KANSL1: variants seen among roughly 807,000 people sequenced by gnomAD.
KANSL1 encodes the protein MLL1/MLL complex subunit KANSL1.
Under a neutral mutation model 103.6 loss-of-function variants are expected in KANSL1, and 22 were observed. The ratio of observed to expected loss-of-function variants is 0.21; its 90% CI spans 0.15 to 0.30. The LOEUF (loss-of-function observed/expected upper bound fraction) is 0.30, where lower values mean the gene tolerates loss of function less well. Among genes scored for constraint, KANSL1 ranks in the 10% least tolerant of loss-of-function variants. KANSL1 has a pLI of 1.00. For missense variants in KANSL1, 1,337 were observed against 1,399.8 expected, an observed-to-expected ratio of 0.96 and a Z score of 0.72; for synonymous variants, 600 against 527.6, an observed-to-expected ratio of 1.14 and a Z score of -1.88.
intron 6 of KANSL1, among the ~76,000 whole-genome samples, chr17:46,059,227 G>C (rs2078058613): frequency 6.6e-6 from 1 of 152,066 alleles, no homozygotes; most frequent in Non-Finnish European, 1.5e-5. Context: ...AGTTGTGAAT[G>C]GTAGGAGGCT....
At chr17:46,115,574 C>T (rs970321957) in intron 2 of KANSL1, among the ~76,000 whole-genome samples, 5 of 152,102 alleles carry the variant, frequency 3.3e-5, no homozygotes, top group African/African-American at 1.2e-4. Flanking sequence ...TTACATGATG[C>T]ATATACGGGT....
At chr17:46,068,358 G>A (rs1033730524) in intron 4 of KANSL1, among the ~76,000 whole-genome samples, 10 of 151,132 alleles carry the variant, frequency 6.6e-5, no homozygotes, top group Admixed American at 6.6e-4. Flanking sequence ...GAGCCCAGGG[G>A]TTCAAGACCA....
chr17:46,188,033 T>C (rs1442580492), intron 1 of KANSL1, among the ~76,000 whole-genome samples: 1 of 152,250 alleles, frequency 6.6e-6, no homozygotes, highest in Non-Finnish European at 1.5e-5. Context: ...TTTTGGCTTA[T>C]TTTCTCCTAT....
At chr17:46,100,442 CCCA>C (rs747178398) in intron 2 of KANSL1, among the ~76,000 whole-genome samples, 7 of 116,518 alleles carry the variant, frequency 6.0e-5, no homozygotes, top group Non-Finnish European at 1.3e-4. Flanking sequence ...ACTCCCTCTC[CCCA>C]AAAAAAAAAA....
intron 6 of KANSL1, among the ~76,000 whole-genome samples, chr17:46,054,217 T>C (rs1272645860): frequency 6.6e-6 from 1 of 152,194 alleles, no homozygotes; most frequent in African/African-American, 2.4e-5. Flanking sequence ...CACGCCCAGC[T>C]AATCTTTTAT....
chr17:46,048,695 G>A (rs533860979), intron 7 of KANSL1, among the ~76,000 whole-genome samples: 8 of 152,322 alleles, frequency 5.3e-5, no homozygotes, highest in East Asian at 1.9e-4. Flanking sequence ...TTATGAAAGC[G>A]CTGGCTTCCA....
chr17:46,051,627 A>AT (rs780740154), intron 6 of KANSL1, among the ~76,000 whole-genome samples: 86 of 152,368 alleles, frequency 5.6e-4, no homozygotes, highest in Non-Finnish European at 1.0e-3. Flanking sequence ...AGCCTAACTC[A>AT]TAAAGTCACC....
intron 2 of KANSL1, among the ~76,000 whole-genome samples, chr17:46,122,423 T>G (rs1447607036): frequency 6.6e-6 from 1 of 152,226 alleles, no homozygotes; most frequent in African/African-American, 2.4e-5. Flanking sequence ...CCATAAATAC[T>G]TAAACAAGTA....
intron 2 of KANSL1, among the ~76,000 whole-genome samples, chr17:46,134,131 C>T (rs1331035498): frequency 6.6e-6 from 1 of 152,232 alleles, no homozygotes; most frequent in Non-Finnish European, 1.5e-5. Flanking sequence ...GGCGTGGTGG[C>T]TCACGCCTGT....
At chr17:46,039,674 G>C in intron 8 of KANSL1, 28 bp downstream of exon 8, 2 of 1,601,544 alleles carry the variant, frequency 1.2e-6, no homozygotes, top group Non-Finnish European at 1.7e-6. Flanking sequence ...TGATACTCTG[G>C]GGGACTTCCC....
At chr17:46,103,871 C>CA (rs148895049) in intron 2 of KANSL1, among the ~76,000 whole-genome samples, 4 of 152,064 alleles carry the variant, frequency 2.6e-5, no homozygotes, top group Admixed American at 6.5e-5. Flanking sequence ...ACTAAAAATA[C>CA]AAAAAAATTG....
intron 2 of KANSL1, among the ~76,000 whole-genome samples, chr17:46,163,366 T>C (rs2045843039): frequency 6.6e-6 from 1 of 152,206 alleles, no homozygotes; most frequent in Non-Finnish European, 1.5e-5. Flanking sequence ...TTCCTCACTG[T>C]TTTTTATTTT....
intron 1 of KANSL1, among the ~76,000 whole-genome samples, chr17:46,186,411 A>T (rs945595523): frequency 6.9e-6 from 1 of 145,952 alleles, no homozygotes. Context: ...ATTCTAAAGG[A>T]AACAGGTTAT....
intron 1 of KANSL1, among the ~76,000 whole-genome samples, chr17:46,217,075 C>T (rs1360612910): frequency 6.8e-6 from 1 of 146,334 alleles, no homozygotes; most frequent in Non-Finnish European, 1.5e-5. Flanking sequence ...AGTGCCACTG[C>T]ACTCCAGCCT....
intron 1 of KANSL1, among the ~76,000 whole-genome samples, chr17:46,180,667 CAA>C (rs1241901720): frequency 3.3e-5 from 5 of 152,050 alleles, no homozygotes; most frequent in Admixed American, 6.6e-5. Flanking sequence ...GCCAGGGCGA[CAA>C]AGAGAGGCTC....
At chr17:46,102,909 G>A (rs1306338547) in intron 2 of KANSL1, among the ~76,000 whole-genome samples, 5 of 152,122 alleles carry the variant, frequency 3.3e-5, no homozygotes, top group Admixed American at 2.0e-4. Context: ...TTAGACTGGG[G>A]GATCTAGAAA....
chr17:46,214,056 AC>A (rs1454163209), intron 1 of KANSL1, among the ~76,000 whole-genome samples: 1 of 152,212 alleles, frequency 6.6e-6, no homozygotes, highest in Non-Finnish European at 1.5e-5. Context: ...ATGTGAAAAC[AC>A]TCTAAATTAC....
chr17:46,192,051 CCAT>C (rs1193808657), intron 1 of KANSL1, among the ~76,000 whole-genome samples: 14 of 152,180 alleles, frequency 9.2e-5, no homozygotes, highest in African/African-American at 3.4e-4. Context: ...TAAAGTGGCG[CCAT>C]CATGTCACCC....
intron 6 of KANSL1, among the ~76,000 whole-genome samples, chr17:46,057,494 C>T (rs2077974863): frequency 6.6e-6 from 1 of 152,078 alleles, no homozygotes. Flanking sequence ...TAGAATATCA[C>T]CATTCTTCAG....
Sources: gnomAD v4.1 joint callset for allele counts (sites outside exome capture counted in the v4.1 genomes callset) on GRCh38, gnomAD v4.1.1 for gene constraint, MANE v1.5 for transcripts, NCBI Gene and HGNC (gene_info 2026-07-23, HGNC 2026-07-21) for gene names.